CMIP: variants seen among roughly 807,000 people sequenced by gnomAD.
The protein encoded by CMIP is c-Maf inducing protein.
A neutral mutation model predicts 97.3 loss-of-function variants in CMIP; 13 were observed. That is an observed-to-expected ratio of 0.13 (90% CI 0.09 to 0.21). The LOEUF is 0.21. Ranked by LOEUF, CMIP falls within the 10% of genes least tolerant of loss-of-function variation. The probability of loss-of-function intolerance (pLI) is 1.00; values close to 1 mark genes in which losing one functional copy is unlikely to be tolerated. For missense variants in CMIP, 847 were observed against 1,024.9 expected (o/e 0.83, Z 2.37); for synonymous variants, 538 against 436.3 (o/e 1.23, Z -2.91).
chr16:81,703,649 T>C (rs1907682140), intron 17 of CMIP, among the ~76,000 whole-genome samples: 1 of 151,934 alleles, frequency 6.6e-6, no homozygotes, highest in African/African-American at 2.4e-5. Context: ...GGGAGGATCG[T>C]GGCCTTGGAA....
chr16:81,642,630 C>T (rs185842462), intron 3 of CMIP, among the ~76,000 whole-genome samples: 90 of 152,246 alleles, frequency 5.9e-4, no homozygotes, highest in Non-Finnish European at 1.0e-3. Flanking sequence ...AGTTCATCAG[C>T]GGATTAACAA....
At chr16:81,507,235 C>A (rs1430598433) in intron 1 of CMIP, among the ~76,000 whole-genome samples, 1 of 152,226 alleles carries the variant, frequency 6.6e-6, no homozygotes, top group Non-Finnish European at 1.5e-5. Context: ...GCCTGGGTGA[C>A]AGAGCTAGAC....
chr16:81,699,387 G>A (rs1037465878), intron 14 of CMIP, among the ~76,000 whole-genome samples: 2 of 152,222 alleles, frequency 1.3e-5, no homozygotes, highest in Non-Finnish European at 2.9e-5. Context: ...GGGGCTTATA[G>A]TTAAATCAGG....
chr16:81,552,993 A>C (rs930170412), intron 1 of CMIP, among the ~76,000 whole-genome samples: 2 of 152,192 alleles, frequency 1.3e-5, no homozygotes, highest in African/African-American at 4.8e-5. Flanking sequence ...GGGGACAGGA[A>C]AGTCTCCTCT....
chr16:81,457,406 A>T (rs1018034042), intron 1 of CMIP, among the ~76,000 whole-genome samples: 10 of 152,008 alleles, frequency 6.6e-5, no homozygotes, highest in African/African-American at 2.4e-4. Context: ...GAATCCCACC[A>T]CCTGGAAATC....
At chr16:81,548,416 G>T (rs1303862132) in intron 1 of CMIP, among the ~76,000 whole-genome samples, 4 of 152,240 alleles carry the variant, frequency 2.6e-5, no homozygotes, top group Admixed American at 2.6e-4. Flanking sequence ...GGATTACAGT[G>T]TGAGGCACCA....
chr16:81,507,893 T>G (rs1041530468), intron 1 of CMIP, among the ~76,000 whole-genome samples: 10 of 152,248 alleles, frequency 6.6e-5, no homozygotes, highest in Non-Finnish European at 2.9e-5. Context: ...GTCCCATTGC[T>G]GCCTGGGACA....
intron 2 of CMIP, among the ~76,000 whole-genome samples, chr16:81,615,182 G>A (rs1341696589): frequency 9.3e-6 from 1 of 107,960 alleles, no homozygotes; most frequent in Non-Finnish European, 1.9e-5. Context: ...TGTGGTACGT[G>A]TATGTGTGGT....
intron 14 of CMIP, chr16:81,696,932 G>C (rs1597264330): frequency 3.8e-6 from 2 of 528,706 alleles, no homozygotes; most frequent in East Asian, 6.5e-5. Context: ...GACGACACAT[G>C]TCATTGCCCC....
At chr16:81,592,118 C>A (rs2091475560) in intron 1 of CMIP, among the ~76,000 whole-genome samples, 1 of 152,184 alleles carries the variant, frequency 6.6e-6, no homozygotes, top group Non-Finnish European at 1.5e-5. Flanking sequence ...GCCACTGCGC[C>A]TGGCTGCAGT....
intron 1 of CMIP, among the ~76,000 whole-genome samples, chr16:81,478,874 AC>A (rs1055901406): frequency 2.1e-4 from 31 of 151,184 alleles, no homozygotes; most frequent in Non-Finnish European, 3.2e-4. Flanking sequence ...TTTCTTCCCC[AC>A]CTCCCAGCCA....
chr16:81,546,629 C>T (rs1009480773), intron 1 of CMIP, among the ~76,000 whole-genome samples: 18 of 152,136 alleles, frequency 1.2e-4, no homozygotes, highest in African/African-American at 3.1e-4. Context: ...CAGGTAGCTG[C>T]GGCCTCGTGG....
intron 1 of CMIP, among the ~76,000 whole-genome samples, chr16:81,572,016 C>A (rs747978902): frequency 6.6e-6 from 1 of 152,188 alleles, no homozygotes; most frequent in African/African-American, 2.4e-5. Context: ...TTGGTGGAGT[C>A]GCTCACCAGG....
At chr16:81,701,629 G>T in intron 15 of CMIP, 31 bp from the exon 16 acceptor site, 1 of 1,613,682 alleles carries the variant, frequency 6.2e-7, no homozygotes, top group South Asian at 1.1e-5. Flanking sequence ...GGCAGGCCGG[G>T]TCCGTAATGC....
At chr16:81,631,204 C>T (rs979328343) in intron 3 of CMIP, 2 of 152,342 alleles carry the variant, frequency 1.3e-5, no homozygotes, top group African/African-American at 2.4e-5. Context: ...GTCGGGAGCT[C>T]TGCTGGGGAC....
chr16:81,572,083 G>A (rs2091101541), intron 1 of CMIP, among the ~76,000 whole-genome samples: 1 of 152,308 alleles, frequency 6.6e-6, no homozygotes, highest in Non-Finnish European at 1.5e-5. Flanking sequence ...TCGTGTTCTG[G>A]CGCGTCCTTG....
intron 1 of CMIP, among the ~76,000 whole-genome samples, chr16:81,483,729 C>T (rs577100458): frequency 3.4e-4 from 52 of 152,344 alleles, no homozygotes; most frequent in African/African-American, 1.2e-3. Context: ...TCGGCCATCC[C>T]CTCCTCCAGC....
At chr16:81,703,553 G>C (rs1907659876) in intron 17 of CMIP, among the ~76,000 whole-genome samples, 1 of 151,580 alleles carries the variant, frequency 6.6e-6, no homozygotes, top group Non-Finnish European at 1.5e-5. Flanking sequence ...ACAGACACAT[G>C]CATACACAAA....
intron 3 of CMIP, among the ~76,000 whole-genome samples, chr16:81,628,812 C>T (rs1178823131): frequency 6.6e-6 from 1 of 152,164 alleles, no homozygotes; most frequent in Non-Finnish European, 1.5e-5. Flanking sequence ...GAGCTTTCCA[C>T]TTTTCCCTAA....
Sources: gnomAD v4.1 joint callset for allele counts (sites outside exome capture counted in the v4.1 genomes callset) on GRCh38, gnomAD v4.1.1 for gene constraint, MANE v1.5 for transcripts, NCBI Gene and HGNC (gene_info 2026-07-23, HGNC 2026-07-21) for gene names.